Variants in GBX1 observed in about 807,000 individuals in gnomAD.
GBX1 encodes the protein gastrulation brain homeobox 1, also known as homeobox protein GBX-1.
GBX1 carries 9 observed loss-of-function variants against 22.9 expected under a neutral mutation model. The ratio of observed to expected loss-of-function variants is 0.39; its 90% CI spans 0.24 to 0.69. GBX1 has a LOEUF of 0.69. Ranked by LOEUF, GBX1 falls within the 30% of genes least tolerant of loss-of-function variation. The pLI, the probability that GBX1 is intolerant of heterozygous loss-of-function variation, is 0.43. For synonymous variants in GBX1, 203 were observed against 227.3 expected (o/e 0.89, Z 0.96); for missense variants, 494 against 509.2 (o/e 0.97, Z 0.29).
chr7:151,162,855 G>C (rs1188031538), intron 1 of GBX1, among the ~76,000 whole-genome samples: 1 of 146,006 alleles, frequency 6.8e-6, no homozygotes, highest in Non-Finnish European at 1.5e-5. Flanking sequence ...CCCCCAGGCT[G>C]GAGTGCAATG....
At chr7:151,154,817 G>C (rs1801116731) in intron 1 of GBX1, among the ~76,000 whole-genome samples, 3 of 152,190 alleles carry the variant, frequency 2.0e-5, no homozygotes, top group Non-Finnish European at 4.4e-5. Context: ...TCGGTAATGG[G>C]TCAGTTCGGG....
chr7:151,161,619 C>T (rs1284996765), intron 1 of GBX1, among the ~76,000 whole-genome samples: 1 of 152,210 alleles, frequency 6.6e-6, no homozygotes, highest in African/African-American at 2.4e-5. Context: ...GTGATATAAT[C>T]ATGTTTCTTT....
At chr7:151,156,469 C>G (rs184262680) in intron 1 of GBX1, among the ~76,000 whole-genome samples, 21 of 146,384 alleles carry the variant, frequency 1.4e-4, no homozygotes, top group Non-Finnish European at 2.2e-4. Context: ...CTTACTACCA[C>G]AGAGTCCTAG....
Position 151,167,685 on chromosome 7 carries a change from G to C in GBX1, c.-137C>G. On this transcript the variant is annotated 5_prime_UTR_variant, in exon 1 of 2. Coordinates refer to ENST00000297537, the MANE Select transcript of GBX1 (RefSeq NM_001098834.3). The surrounding 1 kb of genome is among the most constrained non-coding windows in gnomAD (Gnocchi z 5.9). ...CGAGGTGGCGGCGGGGCGCGGGCTC[G>C]GCGCAGTGTGGCTCCGGCGCCGCGC... The C allele has an allele frequency of 1.2e-6, 1 of 857,816 alleles. No individual in the cohort carries two copies. Among genetic ancestry groups the C allele is most frequent in the African/African-American group, 1.8e-5 (1 of 55,262 alleles). The allele number at this position is 857,816 out of a possible 1,614,324, so 53.1% of individuals were successfully genotyped here. A position where few individuals can be genotyped will look rare whatever the true frequency, so the allele number is the denominator to read the frequency against.
intron 1 of GBX1, among the ~76,000 whole-genome samples, chr7:151,161,184 A>G (rs4725395): frequency 0.33 from 49,530 of 151,982 alleles, 8,950 homozygotes; most frequent in African/African-American, 0.49. Flanking sequence ...CTTCTTTCCA[A>G]TTAAAATATT....
At chr7:151,158,613 T>C (rs1412457299) in intron 1 of GBX1, among the ~76,000 whole-genome samples, 7 of 152,086 alleles carry the variant, frequency 4.6e-5, no homozygotes, top group Non-Finnish European at 7.4e-5. Context: ...ATGTGAAATC[T>C]ACCCCTAATT....
intron 1 of GBX1, among the ~76,000 whole-genome samples, chr7:151,156,629 G>A (rs548841548): frequency 4.6e-5 from 7 of 151,886 alleles, no homozygotes; most frequent in South Asian, 2.1e-4. Context: ...TCTTTCTCCC[G>A]TTCTTTTGTC....
chr7:151,161,105 C>A (rs538285177), intron 1 of GBX1, among the ~76,000 whole-genome samples: 1 of 152,146 alleles, frequency 6.6e-6, no homozygotes, highest in Non-Finnish European at 1.5e-5. Context: ...ACTTCCCAGG[C>A]AGAATTCTTG....
In GBX1 at chr7:151,149,141, T is replaced by G; in HGVS notation, c.540A>C (p.Ala180=). The change falls in exon 2 of 2, where the codon GCA becomes GCC. Residue 180 remains alanine (A), a splice_region_variant and synonymous_variant. Transcript: ENST00000297537. ...HFSETFPSLP[A]EGKVYSSDEE... ...CATCTGAGCTGTACACCTTCCCCTC[T>G]GCTGTGAGGAGCAAGAAGCCAATGG... 1 of 1,598,864 alleles carries G rather than the reference T, an allele frequency of 6.3e-7. No individual in the cohort carries two copies. Among genetic ancestry groups the G allele is most frequent in the South Asian group, 1.1e-5 (1 of 90,394 alleles).
intron 1 of GBX1, among the ~76,000 whole-genome samples, chr7:151,157,301 C>G (rs1801146669): frequency 1.3e-5 from 2 of 152,096 alleles, no homozygotes; most frequent in Admixed American, 6.6e-5. Context: ...GTCTCAAAAA[C>G]AAACAAACAA....
intron 1 of GBX1, among the ~76,000 whole-genome samples, chr7:151,150,973 C>T (rs763884228): frequency 9.9e-5 from 15 of 152,206 alleles, no homozygotes; most frequent in Non-Finnish European, 1.9e-4. Context: ...TTCATACAAT[C>T]CTCTAGCCCT....
In GBX1 at chr7:151,148,654, C is replaced by T; in HGVS notation, c.1027G>A (p.Val343Met). Reference protein sequence around the residue: ...RNPKIVVPIPVHVNRFAVRSQ... With the variant: ...RNPKIVVPIPMHVNRFAVRSQ... Reference sequence around the variant, plus strand: ...CGCACAGCAAACCTGTTGACATGCACAGGTATGGGGACAACAATCTTGGGG... The same window carrying T: ...CGCACAGCAAACCTGTTGACATGCATAGGTATGGGGACAACAATCTTGGGG... The change falls in exon 2 of 2, where the codon GTG (valine) becomes ATG (methionine). Residue 343 changes from valine (V) to methionine (M), a missense_variant. By Grantham distance (21) the Val-to-Met change is conservative. This residue lies in a region of GBX1 where 124 missense variants were observed against 152.0 expected (regional missense o/e 0.82). Coordinates refer to ENST00000297537, the MANE Select transcript of GBX1 (RefSeq NM_001098834.3). This position sits in a 1 kb window ranked among gnomAD's most constrained non-coding sequence, Gnocchi z 5.1. 1 of 1,614,102 alleles carries T rather than the reference C, an allele frequency of 6.2e-7. No homozygotes were observed. Among genetic ancestry groups the T allele is most frequent in the Non-Finnish European group, 8.5e-7 (1 of 1,180,016 alleles).
At chr7:151,166,627 C>A (rs1191347291) in intron 1 of GBX1, among the ~76,000 whole-genome samples, 1 of 152,072 alleles carries the variant, frequency 6.6e-6, no homozygotes, top group African/African-American at 2.4e-5. Flanking sequence ...CTTCAACATA[C>A]CCCCATCTTG....
chr7:151,157,452 C>T (rs528273940), intron 1 of GBX1, among the ~76,000 whole-genome samples: 21 of 152,212 alleles, frequency 1.4e-4, no homozygotes, highest in African/African-American at 5.1e-4. Context: ...ATCTTCATCT[C>T]TCTCTGCCTT....
chr7:151,166,806 A>G (rs1358408043), intron 1 of GBX1, among the ~76,000 whole-genome samples: 1 of 152,214 alleles, frequency 6.6e-6, no homozygotes, highest in African/African-American at 2.4e-5. Context: ...CTTCAGGGCT[A>G]TGGGGACAGA....
chr7:151,152,268 C>T (rs1420486451), intron 1 of GBX1, among the ~76,000 whole-genome samples: 2 of 152,228 alleles, frequency 1.3e-5, no homozygotes, highest in East Asian at 1.9e-4. Context: ...GCCTCTCCGA[C>T]GATATTCCCC....
chr7:151,153,709 G>A (rs952518444), intron 1 of GBX1, among the ~76,000 whole-genome samples: 2 of 151,964 alleles, frequency 1.3e-5, no homozygotes, highest in Non-Finnish European at 2.9e-5. Context: ...ACCATGGCTG[G>A]CTAACTTTTT....
chr7:151,161,468 C>A (rs952059555), intron 1 of GBX1, among the ~76,000 whole-genome samples: 3 of 152,120 alleles, frequency 2.0e-5, no homozygotes, highest in Non-Finnish European at 4.4e-5. Context: ...GGTTCTTCAC[C>A]CTTTTGTGCC....
chr7:151,154,754 GCCTT>G (rs1483137004), intron 1 of GBX1, among the ~76,000 whole-genome samples: 1 of 152,182 alleles, frequency 6.6e-6, no homozygotes, highest in Non-Finnish European at 1.5e-5. Context: ...CTTGCATGGG[GCCTT>G]CCTTCTAAGA....
Sources: gnomAD v4.1 joint callset for allele counts (sites outside exome capture counted in the v4.1 genomes callset) on GRCh38, gnomAD v4.1.1 for gene constraint, gnomAD v4.1.1 regional missense constraint, Gnocchi (gnomAD v3.1) non-coding constraint, MANE v1.5 for transcripts, NCBI Gene and HGNC (gene_info 2026-07-23, HGNC 2026-07-21) for gene names.